Variants in XPO6 observed in about 807,000 individuals in gnomAD.
The protein encoded by XPO6 is exportin-6.
Under a neutral mutation model 130.0 loss-of-function variants are expected in XPO6, and 3 were observed. The ratio of observed to expected loss-of-function variants is 0.02; its 90% CI spans 0.01 to 0.06. XPO6 has a LOEUF of 0.06. Ranked by LOEUF, XPO6 falls within the 10% of genes least tolerant of loss-of-function variation. The pLI, the probability that XPO6 is intolerant of heterozygous loss-of-function variation, is 1.00. For missense variants in XPO6, 970 were observed against 1,393.0 expected (o/e 0.70, Z 4.83); for synonymous variants, 524 against 548.9 (o/e 0.95, Z 0.63).
At chr16:28,178,775 A>C (rs1453871435) in intron 2 of XPO6, among the ~76,000 whole-genome samples, 2 of 152,008 alleles carry the variant, frequency 1.3e-5, no homozygotes, top group African/African-American at 2.4e-5. Flanking sequence ...AAAAAAAAAA[A>C]AACAAAAAAA....
chr16:28,115,561 T>C (rs1346759206), intron 15 of XPO6, among the ~76,000 whole-genome samples: 1 of 152,248 alleles, frequency 6.6e-6, no homozygotes, highest in African/African-American at 2.4e-5. Context: ...GTTCCATTTA[T>C]AGAGACAGGC....
intron 6 of XPO6, among the ~76,000 whole-genome samples, chr16:28,163,226 C>T (rs1447885968): frequency 6.6e-6 from 1 of 152,184 alleles, no homozygotes; most frequent in African/African-American, 2.4e-5. Context: ...CCAAGTCCCA[C>T]CTTTCTATAG....
rs760023716 is a variant in XPO6 at position 28,125,863 on chromosome 16, G to A, written c.1607-15C>T. The A allele has an allele frequency of 9.3e-6, 15 of 1,608,996 alleles. No homozygotes were observed. Among genetic ancestry groups the A allele is most frequent in the Middle Eastern group, 1.6e-4 (1 of 6,066 alleles). On this transcript the variant is annotated splice_polypyrimidine_tract_variant and intron_variant, in intron 12 of 23. Coordinates refer to ENST00000304658, the MANE Select transcript of XPO6 (RefSeq NM_015171.4). The stretch of plus-strand genomic sequence containing the variant: ...CAACCTGTGTCCTGGAACACAACAC[G>A]CCAGACAGTTTTTCACAGGAAGACC...
rs1345530884 is a variant in XPO6, at chr16:28,211,771, G to A, written c.-403C>T. 1.6e-5 allele frequency: 5 copies of A among 307,784 alleles called. No individual in the cohort carries two copies. Among genetic ancestry groups the A allele is most frequent in the East Asian group, 1.6e-4 (3 of 19,106 alleles). 19.1% of individuals were successfully genotyped at this position (307,784 alleles called of 1,614,324 possible). ...CCGGCCCCGAGGCTGAACGGGCGGAGGCTGACAGGCCTCGACCGCGCGGCC... is the reference window on the plus strand; with the variant it reads ...CCGGCCCCGAGGCTGAACGGGCGGAAGCTGACAGGCCTCGACCGCGCGGCC... On this transcript the variant is annotated 5_prime_UTR_variant, in exon 1 of 24. Coordinates refer to ENST00000304658, the MANE Select transcript of XPO6 (RefSeq NM_015171.4).
intron 5 of XPO6, 147 bp downstream of exon 5, chr16:28,169,603 G>T: frequency 2.1e-6 from 2 of 932,210 alleles, no homozygotes; most frequent in Non-Finnish European, 3.2e-6. Flanking sequence ...CTAGACCCTG[G>T]GCTATAGGTG....
intron 15 of XPO6, among the ~76,000 whole-genome samples, chr16:28,114,410 C>T (rs550476939): frequency 6.6e-6 from 1 of 152,262 alleles, no homozygotes; most frequent in South Asian, 2.1e-4. Context: ...TCCAGACCAC[C>T]ACAATAAAGC....
In XPO6 at chr16:28,098,533, C is replaced by A. The variant is rs772624875; in HGVS notation, c.*5G>T. On this transcript the variant is annotated 3_prime_UTR_variant, in exon 24 of 24. Coordinates refer to ENST00000304658, the MANE Select transcript of XPO6 (RefSeq NM_015171.4). ...AGAAGTCCGTGTCCCCAGGCAGTAGCAGGCCTAGAGCTTCACAGTGCCAGG... is the reference window on the plus strand; with the variant it reads ...AGAAGTCCGTGTCCCCAGGCAGTAGAAGGCCTAGAGCTTCACAGTGCCAGG... The A allele has an allele frequency of 6.2e-7, 1 of 1,604,736 alleles. No individual in the cohort carries two copies. The highest frequency in any genetic ancestry group is 1.1e-5 in the South Asian group (1 of 90,252).
chr16:28,128,927 C>T (rs1254808544), intron 12 of XPO6, among the ~76,000 whole-genome samples: 2 of 152,170 alleles, frequency 1.3e-5, no homozygotes, highest in Non-Finnish European at 2.9e-5. Context: ...TCCTTGCCAT[C>T]CTGATCCCTC....
rs549780581 is a variant in XPO6 at position 28,141,731 on chromosome 16, C to A, written c.1334+4363G>T. Among the ~76,000 whole-genome samples the A allele has an allele frequency of 3.9e-5, 6 of 152,248 alleles. No homozygotes were observed. The South Asian group carries it at 1.2e-3, about 32-fold the overall frequency. ...ATCCCAGCACTTTGGGAGGCCGAGG[C>A]GGGTGGATCATGAGGTCAGGAGATC... On this transcript the variant is annotated intron_variant, in intron 9 of 23. Coordinates refer to ENST00000304658, the MANE Select transcript of XPO6 (RefSeq NM_015171.4).
At chr16:28,127,196 C>T (rs906688001) in intron 12 of XPO6, among the ~76,000 whole-genome samples, 1 of 152,156 alleles carries the variant, frequency 6.6e-6, no homozygotes, top group African/African-American at 2.4e-5. Context: ...CTGGTAATTC[C>T]CCAGAGCCTC....
At chr16:28,147,809 T>C (rs954999344) in intron 8 of XPO6, among the ~76,000 whole-genome samples, 1 of 152,190 alleles carries the variant, frequency 6.6e-6, no homozygotes. Context: ...TAGCCGAGCA[T>C]GGCGATGCAC....
At chr16:28,167,332 C>T in intron 5 of XPO6, 1 of 985,384 alleles carries the variant, frequency 1.0e-6, no homozygotes, top group Non-Finnish European at 1.2e-6. Flanking sequence ...TTTTTCGTTC[C>T]TCATGCAGGA....
At chr16:28,206,075 T>C (rs1288558226) in intron 1 of XPO6, among the ~76,000 whole-genome samples, 2 of 148,784 alleles carry the variant, frequency 1.3e-5, no homozygotes, top group Non-Finnish European at 3.0e-5. Context: ...CTCCTAGAGT[T>C]GTTTGGGACA....
intron 1 of XPO6, among the ~76,000 whole-genome samples, chr16:28,194,026 G>A (rs751968645): frequency 5.9e-5 from 9 of 152,048 alleles, no homozygotes; most frequent in Non-Finnish European, 1.0e-4. Context: ...ATGACTTCCT[G>A]ATTACTTATC....
Position 28,152,847 on chromosome 16 carries a change from T to G in XPO6, c.1098-62A>C, listed in dbSNP as rs546744701. 50 of 1,577,480 alleles carry G rather than the reference T, an allele frequency of 3.2e-5. No homozygotes were observed. In the African/African-American group the frequency reaches 6.0e-4, roughly 19 times the overall value. On this transcript the variant is annotated intron_variant, in intron 7 of 23. Transcript: ENST00000304658. ...CCAGCCACCTCCTTAGAACTTAAAT[T>G]CAATCCAAAGTTCTTTCAGTACAGA...
intron 14 of XPO6, among the ~76,000 whole-genome samples, chr16:28,117,986 G>A (rs2087112579): frequency 6.6e-6 from 1 of 152,188 alleles, no homozygotes; most frequent in Non-Finnish European, 1.5e-5. Flanking sequence ...TGTACTGACT[G>A]CATCGTACAT....
At chr16:28,129,830 G>T (rs1257316380) in intron 12 of XPO6, among the ~76,000 whole-genome samples, 1 of 152,192 alleles carries the variant, frequency 6.6e-6, no homozygotes, top group Non-Finnish European at 1.5e-5. Flanking sequence ...AAGTTAAAGG[G>T]TTACTTAGAG....
At chr16:28,149,036 C>CT (rs1462405301) in intron 8 of XPO6, among the ~76,000 whole-genome samples, 1 of 143,374 alleles carries the variant, frequency 7.0e-6, no homozygotes, top group Non-Finnish European at 1.5e-5. Flanking sequence ...GAGTGAAACT[C>CT]TGTCTCCAAA....
chr16:28,125,503 T>C (rs117807720), intron 13 of XPO6, among the ~76,000 whole-genome samples, 186 bp downstream of exon 13: 1 of 152,360 alleles, frequency 6.6e-6, no homozygotes, highest in East Asian at 1.9e-4. Context: ...CTACTTCATA[T>C]TGTAAATGAG....
Sources: gnomAD v4.1 joint callset for allele counts (sites outside exome capture counted in the v4.1 genomes callset) on GRCh38, gnomAD v4.1.1 for gene constraint, MANE v1.5 for transcripts, NCBI Gene and HGNC (gene_info 2026-07-23, HGNC 2026-07-21) for gene names.